Variants in TRIM65 observed in about 807,000 individuals in gnomAD.
TRIM65 encodes E3 ubiquitin-protein ligase TRIM65.
In TRIM65, 46 loss-of-function variants were observed where a neutral mutation model predicts 36.1. That is an observed-to-expected ratio of 1.27 (90% confidence interval 1.01 to 1.63). The LOEUF (loss-of-function observed/expected upper bound fraction) is 1.63, where lower values mean the gene tolerates loss of function less well. TRIM65 is among the 40% of genes most tolerant of loss of function. The pLI, the probability that TRIM65 is intolerant of heterozygous loss-of-function variation, is 0.00. For missense variants in TRIM65, 708 were observed against 696.6 expected (o/e 1.02, Z -0.18); for synonymous variants, 346 against 313.6 (o/e 1.10, Z -1.09).
At chr17:75,893,649 G>C (rs943244729) in intron 1 of TRIM65, among the ~76,000 whole-genome samples, 29 of 152,138 alleles carry the variant, frequency 1.9e-4, no homozygotes, top group Non-Finnish European at 1.2e-4. Context: ...AACGGGCTCA[G>C]AGAAGTTGAT....
chr17:75,890,988 G>A lies in TRIM65; in HGVS notation c.1345C>T (p.Arg449Trp), dbSNP rs748222289. Residue 449 changes from arginine (R) to tryptophan (W), a missense_variant, in exon 6 of 6, where the codon CGG becomes TGG. Arg to Trp is a moderately radical substitution (Grantham distance 101). Transcript: ENST00000269383. ...AGGTCCAAATCCATGCCCAGGAGCC[G>A]CCCTGACACCCCTGGGAGGCGCTGG... The part of the protein sequence containing the change: ...EAQRLPGVSG[R>W]LLGMDLDLAS... The A allele has an allele frequency of 4.4e-6, 7 of 1,581,766 alleles. No homozygotes were observed. Among genetic ancestry groups the A allele is most frequent in the East Asian group, 2.3e-5 (1 of 42,570 alleles).
At chr17:75,884,890 CA>C (rs2065195427), downstream of TRIM65, among the ~76,000 whole-genome samples, 1 of 151,778 alleles carries the variant, frequency 6.6e-6, no homozygotes, top group Non-Finnish European at 1.5e-5. Context: ...CACAGCCTCC[CA>C]AAGTGTTGGG....
rs2065249817 is a variant in TRIM65 at position 75,890,530 on chromosome 17, G to C, written c.*249C>G. On this transcript the variant is annotated 3_prime_UTR_variant, in exon 6 of 6. Coordinates refer to ENST00000269383, the MANE Select transcript of TRIM65 (RefSeq NM_173547.4). ...GCACTGCTCTCGCCTCCCAGGCCCA[G>C]ACAGTACCTAGAACTGGGTTCTCTC... 7.2e-6 allele frequency: 3 copies of C among 415,386 alleles called. No individual in the cohort carries two copies. The highest frequency in any genetic ancestry group is 4.2e-5 in the Admixed American group (1 of 23,738). 25.7% of individuals were successfully genotyped at this position (415,386 alleles called of 1,614,324 possible).
chr17:75,896,143 C>T (rs1419234325), intron 1 of TRIM65, among the ~76,000 whole-genome samples: 11 of 152,250 alleles, frequency 7.2e-5, no homozygotes, highest in Non-Finnish European at 1.3e-4. Flanking sequence ...GCAAGCTCCA[C>T]TTCCCGGGTT....
In TRIM65 at chr17:75,891,039, G is replaced by C; in HGVS notation, c.1294C>G (p.Leu432Val). 1.7e-5 allele frequency: 27 copies of C among 1,612,214 alleles called. No homozygotes were observed. Among genetic ancestry groups the C allele is most frequent in the Non-Finnish European group, 2.3e-5 (27 of 1,179,402 alleles). Residue 432 changes from leucine (L) to valine (V), a missense_variant, in exon 6 of 6, where the codon CTC (leucine) becomes GTC (valine). By Grantham distance (32) the Leu-to-Val change is conservative. Transcript: ENST00000269383. Reference sequence around the variant, plus strand: ...GCTTCCCCGTTGTGCCAGGCCTGGAGGCTGTCCTCCTGGACGCAGAGCCCC... The same window carrying C: ...GCTTCCCCGTTGTGCCAGGCCTGGACGCTGTCCTCCTGGACGCAGAGCCCC... ...SWGLCVQEDS[L>V]QAWHNGEAQR... is the part of the protein sequence containing the mutation.
At chr17:75,895,953 G>C (rs1307339669) in intron 1 of TRIM65, among the ~76,000 whole-genome samples, 2 of 152,226 alleles carry the variant, frequency 1.3e-5, no homozygotes, top group Non-Finnish European at 2.9e-5. Context: ...GCTGCCTCAC[G>C]CCCAGGCTTT....
chr17:75,891,367 A>AGCAGTGGGCTGGGGGAAG lies in TRIM65; in HGVS notation c.986-38_986-21dup. On this transcript the variant is annotated intron_variant, in intron 5 of 5. Coordinates refer to ENST00000269383, the MANE Select transcript of TRIM65 (RefSeq NM_173547.4). The stretch of plus-strand genomic sequence containing the variant: ...GATAATCTGTTGGGGAAAGGAGGAC[A>AGCAGTGGGCTGGGGGAAG]GCAGTGGGCTGGGGGAAGACAGCAC... 6.2e-7 allele frequency: 1 copy of AGCAGTGGGCTGGGGGAAG among 1,612,090 alleles called. No homozygotes were observed. The highest frequency in any genetic ancestry group is 8.5e-7 in the Non-Finnish European group (1 of 1,179,118).
rs757322263 is a variant in TRIM65 at position 75,892,851 on chromosome 17, C to G, written c.415-1G>C. Reference sequence around the variant, plus strand: ...CCTCCAGGCTGGCTCTCAGCTGGGCCTGTGGTGCGGGCCCACGGGACAAGC... The same window carrying G: ...CCTCCAGGCTGGCTCTCAGCTGGGCGTGTGGTGCGGGCCCACGGGACAAGC... On this transcript the variant is annotated splice_acceptor_variant, in intron 1 of 5. Transcript: ENST00000269383. LOFTEE classifies it high-confidence loss of function. 2 of 1,601,570 alleles carry G rather than the reference C, an allele frequency of 1.2e-6. No homozygotes were observed. The highest frequency in any genetic ancestry group is 1.7e-6 in the Non-Finnish European group (2 of 1,179,810).
At chr17:75,895,073 A>G (rs1427305883) in intron 1 of TRIM65, among the ~76,000 whole-genome samples, 1 of 152,098 alleles carries the variant, frequency 6.6e-6, no homozygotes, top group Non-Finnish European at 1.5e-5. Flanking sequence ...TCCAAGGCCA[A>G]ACTCTGCCCT....
At chr17:75,885,286 A>G (rs2065198980), downstream of TRIM65, among the ~76,000 whole-genome samples, 1 of 151,942 alleles carries the variant, frequency 6.6e-6, no homozygotes, top group Non-Finnish European at 1.5e-5. Flanking sequence ...TAATTTTTAA[A>G]TATTTATTTA....
chr17:75,890,922 T>C lies in TRIM65; in HGVS notation c.1411A>G (p.Thr471Ala). 1.9e-6 allele frequency: 3 copies of C among 1,551,960 alleles called. No homozygotes were observed. The highest frequency in any genetic ancestry group is 2.6e-6 in the Non-Finnish European group (3 of 1,148,578). The change falls in exon 6 of 6, where the codon ACC becomes GCC. Residue 471 changes from threonine to alanine, a missense_variant. By Grantham distance (58) the Thr-to-Ala change is moderately conservative. Coordinates refer to ENST00000269383, the MANE Select transcript of TRIM65 (RefSeq NM_173547.4). The stretch of plus-strand genomic sequence containing the variant: ...GCATGGAAGGTGTACAGGGGCTGGG[T>C]CTGGGGCTCCAGGCTGTAGAAGGTG... ...CLTFYSLEPQ[T>A]QPLYTFHALF...
At chr17:75,891,637 C>G (rs1305361897) in intron 5 of TRIM65, among the ~76,000 whole-genome samples, 176 bp downstream of exon 5, 2 of 152,182 alleles carry the variant, frequency 1.3e-5, no homozygotes, top group Non-Finnish European at 2.9e-5. Flanking sequence ...TGGATGTGCA[C>G]GAGGTGTGCA....
chr17:75,886,358 T>C (rs2065206931), downstream of TRIM65, among the ~76,000 whole-genome samples: 1 of 151,700 alleles, frequency 6.6e-6, no homozygotes, highest in Non-Finnish European at 1.5e-5. Flanking sequence ...CCGTCTCTAC[T>C]AAAAATACAA....
chr17:75,888,877 C>T (rs1278365901), downstream of TRIM65: 3 of 150,088 alleles, frequency 2.0e-5, no homozygotes, highest in African/African-American at 7.4e-5. Flanking sequence ...CGGCAGTGAT[C>T]GGGGTGGGGT....
intron 1 of TRIM65, among the ~76,000 whole-genome samples, chr17:75,894,841 CG>C (rs1432176326): frequency 6.6e-6 from 1 of 152,198 alleles, no homozygotes; most frequent in Non-Finnish European, 1.5e-5. Context: ...GGCCAGGCTG[CG>C]GGGGGTCCGG....
At chr17:75,880,143 TGTG>T (rs2065160501), downstream of TRIM65, among the ~76,000 whole-genome samples, 1 of 150,712 alleles carries the variant, frequency 6.6e-6, no homozygotes, top group Admixed American at 6.6e-5. Context: ...AAAGAAATGC[TGTG>T]TTTCAGTAAG....
chr17:75,880,948 C>T (rs1336455383), intron 4 of TRIM65, among the ~76,000 whole-genome samples: 1 of 150,258 alleles, frequency 6.7e-6, no homozygotes, highest in Non-Finnish European at 1.5e-5. Flanking sequence ...AAAACACAAG[C>T]AAAAGAGCAC....
chr17:75,894,266 GC>G (rs1287357689), intron 1 of TRIM65, among the ~76,000 whole-genome samples: 3 of 151,940 alleles, frequency 2.0e-5, no homozygotes, highest in African/African-American at 7.3e-5. Flanking sequence ...GCGTCCCTGC[GC>G]CATCCTCCAT....
chr17:75,882,857 A>G (rs1401669091), intron 4 of TRIM65, among the ~76,000 whole-genome samples: 4 of 150,164 alleles, frequency 2.7e-5, no homozygotes, highest in African/African-American at 1.0e-4. Flanking sequence ...AAATCAAACA[A>G]AAACAAGTGG....
Sources: gnomAD v4.1 joint callset for allele counts (sites outside exome capture counted in the v4.1 genomes callset) on GRCh38, gnomAD v4.1.1 for gene constraint, MANE v1.5 for transcripts, NCBI Gene and HGNC (gene_info 2026-07-23, HGNC 2026-07-21) for gene names.